Variants in GRID2 observed in about 807,000 individuals in gnomAD.
The protein encoded by GRID2 is glutamate ionotropic receptor delta type subunit 2.
A neutral mutation model predicts 114.8 loss-of-function variants in GRID2; 33 were observed. The ratio of observed to expected loss-of-function variants is 0.29; its 90% CI spans 0.22 to 0.38. The LOEUF is 0.38. GRID2 is among the 10% of genes least tolerant of loss of function. The pLI is 1.00. For missense variants in GRID2, 1,184 were observed against 1,257.7 expected, an observed-to-expected ratio of 0.94 and a Z score of 0.89; for synonymous variants, 505 against 449.9, an observed-to-expected ratio of 1.12 and a Z score of -1.55.
intron 2 of GRID2, among the ~76,000 whole-genome samples, chr4:92,744,035 T>C (rs1737025299): frequency 6.6e-6 from 1 of 152,186 alleles, no homozygotes; most frequent in African/African-American, 2.4e-5. Context: ...TGCTTGTTTT[T>C]ATTTTTCCTA....
chr4:93,790,006 C>T lies in GRID2; in HGVS notation c.222-16709C>T, dbSNP rs551000241. 3.3e-5 allele frequency among the ~76,000 whole-genome samples: 5 copies of T among 152,200 alleles called. No homozygotes were observed. In the East Asian group the frequency reaches 9.7e-4, roughly 30 times the overall value. ...ACATGTGAGGGATCTAGGTTGGGCACTCCTTAGGAGAATCTCATGTCTGAT... is the reference window on the plus strand; with the variant it reads ...ACATGTGAGGGATCTAGGTTGGGCATTCCTTAGGAGAATCTCATGTCTGAT... On this transcript the variant is annotated intron_variant, in intron 1 of 1. Transcript: ENST00000637838.
intron 1 of GRID2, among the ~76,000 whole-genome samples, chr4:92,483,004 A>C (rs369881936): frequency 6.6e-6 from 1 of 152,154 alleles, no homozygotes; most frequent in African/African-American, 2.4e-5. Flanking sequence ...TACACTAGAC[A>C]CATCTAGACA....
At chr4:92,527,615 C>A (rs1725108640) in intron 1 of GRID2, among the ~76,000 whole-genome samples, 1 of 151,900 alleles carries the variant, frequency 6.6e-6, no homozygotes, top group Admixed American at 6.6e-5. Context: ...TTATGACTAT[C>A]TATTCTATAT....
In GRID2 at chr4:93,593,216, C is replaced by T. The variant is rs1477800602; in HGVS notation, c.2194-33053C>T. On this transcript the variant is annotated intron_variant, in intron 13 of 15. Coordinates refer to ENST00000282020, the MANE Select transcript of GRID2 (RefSeq NM_001510.4). ...ACCGGTTGTTCCTTTCCATGTTTAG[C>T]GCTTCCTTCAGGAGCTCTTTTAGGG... Among the ~76,000 whole-genome samples the T allele has an allele frequency of 6.4e-4, 94 of 146,498 alleles. 2 individuals are homozygous for T. Among genetic ancestry groups the T allele is most frequent in the African/African-American group, 2.0e-3 (79 of 40,416 alleles).
At chr4:93,771,729 G>T (rs1734126542) in intron 15 of GRID2, among the ~76,000 whole-genome samples, 1 of 152,148 alleles carries the variant, frequency 6.6e-6, no homozygotes, top group Non-Finnish European at 1.5e-5. Flanking sequence ...GGGGGGTAGA[G>T]TTGCCAAAAC....
chr4:92,586,028 A>T (rs1728420077), intron 1 of GRID2, among the ~76,000 whole-genome samples: 1 of 132,476 alleles, frequency 7.5e-6, no homozygotes, highest in Non-Finnish European at 1.6e-5. Context: ...ATAAGATTAT[A>T]CCTAATTTAA....
intron 2 of GRID2, among the ~76,000 whole-genome samples, chr4:92,921,237 G>C (rs1749304873): frequency 6.6e-6 from 1 of 151,984 alleles, no homozygotes; most frequent in Non-Finnish European, 1.5e-5. Context: ...GGTTATTCTA[G>C]TTAGCCATTT....
intron 8 of GRID2, 136 bp downstream of exon 8, chr4:93,238,626 AT>A: frequency 1.7e-6 from 1 of 597,014 alleles, no homozygotes. Flanking sequence ...GTGAGGGGAA[AT>A]TAGGCATTGA....
chr4:93,691,071 T>C (rs1726523396), intron 14 of GRID2, among the ~76,000 whole-genome samples: 1 of 151,354 alleles, frequency 6.6e-6, no homozygotes, highest in African/African-American at 2.4e-5. Context: ...TTTCTGATTA[T>C]AAAAAACTGT....
chr4:93,637,957 G>C (rs1417214502), intron 14 of GRID2, among the ~76,000 whole-genome samples: 2 of 152,046 alleles, frequency 1.3e-5, no homozygotes, highest in East Asian at 3.9e-4. Flanking sequence ...TTACTAATAT[G>C]AAACAGAATC....
At chr4:92,453,080 A>T (rs567158034) in intron 1 of GRID2, among the ~76,000 whole-genome samples, 116 of 151,840 alleles carry the variant, frequency 7.6e-4, no homozygotes, top group African/African-American at 2.7e-3. Flanking sequence ...ACATGCATTA[A>T]ATCATGTCCT....
intron 2 of GRID2, among the ~76,000 whole-genome samples, chr4:92,794,859 TAATA>T (rs1739773281): frequency 1.5e-5 from 2 of 132,782 alleles, no homozygotes; most frequent in African/African-American, 5.7e-5. Context: ...CAGAGTCATT[TAATA>T]AATAATTGTT....
intron 2 of GRID2, among the ~76,000 whole-genome samples, chr4:92,709,218 AAT>A (rs1301956389): frequency 6.6e-6 from 1 of 152,120 alleles, no homozygotes; most frequent in Non-Finnish European, 1.5e-5. Flanking sequence ...TAAGTTAGAA[AAT>A]ATGTGTAAAC....
At chr4:93,630,823 A>G (rs1300497176) in intron 14 of GRID2, among the ~76,000 whole-genome samples, 1 of 152,214 alleles carries the variant, frequency 6.6e-6, no homozygotes, top group Non-Finnish European at 1.5e-5. Context: ...AAGCAATAAA[A>G]TTGGAAAAAA....
At chr4:92,803,246 A>G (rs1712213750) in intron 2 of GRID2, among the ~76,000 whole-genome samples, 1 of 151,984 alleles carries the variant, frequency 6.6e-6, no homozygotes, top group Non-Finnish European at 1.5e-5. Context: ...CAGTGAGACT[A>G]CCATTTTAAG....
intron 1 of GRID2, among the ~76,000 whole-genome samples, chr4:92,406,166 A>T (rs1426768267): frequency 6.6e-6 from 1 of 152,182 alleles, no homozygotes; most frequent in Non-Finnish European, 1.5e-5. Context: ...CTCAAATGTT[A>T]ATGTCCTTTG....
chr4:93,727,855 A>G (rs1325626149), intron 14 of GRID2, among the ~76,000 whole-genome samples: 1 of 151,798 alleles, frequency 6.6e-6, no homozygotes, highest in Non-Finnish European at 1.5e-5. Flanking sequence ...TTTTTATTGC[A>G]TCTATTTGAT....
intron 1 of GRID2, among the ~76,000 whole-genome samples, chr4:92,466,282 C>T (rs1721747831): frequency 6.6e-6 from 1 of 151,826 alleles, no homozygotes; most frequent in South Asian, 2.1e-4. Context: ...TATTAATGTT[C>T]ACTATAGTCA....
At chr4:92,788,100 T>C (rs1161187718) in intron 2 of GRID2, among the ~76,000 whole-genome samples, 1 of 151,856 alleles carries the variant, frequency 6.6e-6, no homozygotes, top group Admixed American at 6.6e-5. Context: ...ACCATGAGCT[T>C]GGATAAGATT....
Sources: allele counts gnomAD v4.1 joint callset (sites outside exome capture counted in the v4.1 genomes callset), GRCh38; gene constraint gnomAD v4.1.1; transcripts MANE v1.5; gene names NCBI Gene and HGNC (gene_info 2026-07-23, HGNC 2026-07-21).